Variants in CFDP1 observed in about 807,000 individuals in gnomAD.
CFDP1 encodes the protein chromatin remodeling protein CFDP1.
A neutral mutation model predicts 40.1 loss-of-function variants in CFDP1; 31 were observed. The observed-to-expected ratio is 0.77, with a 90% confidence interval of 0.58 to 1.04. The LOEUF (loss-of-function observed/expected upper bound fraction) is 1.04, where lower values mean the gene tolerates loss of function less well. CFDP1 is among the 50% of genes least tolerant of loss of function. CFDP1 has a pLI of 0.00. For missense variants in CFDP1, 423 were observed against 343.4 expected (o/e 1.23, Z -1.83); for synonymous variants, 167 against 120.0 (o/e 1.39, Z -2.56).
At chr16:75,323,985 A>G (rs1239499224) in intron 5 of CFDP1, among the ~76,000 whole-genome samples, 3 of 152,224 alleles carry the variant, frequency 2.0e-5, no homozygotes, top group Non-Finnish European at 4.4e-5. Flanking sequence ...AATGAAGATA[A>G]TAAGAACTAC....
intron 4 of CFDP1, among the ~76,000 whole-genome samples, chr16:75,410,811 A>C (rs1368174395): frequency 6.6e-6 from 1 of 150,852 alleles, no homozygotes; most frequent in Non-Finnish European, 1.5e-5. Flanking sequence ...CGGGAGGCTG[A>C]GACAGGAGAA....
At chr16:75,401,549 G>T (rs1226796384) in intron 4 of CFDP1, among the ~76,000 whole-genome samples, 1 of 151,890 alleles carries the variant, frequency 6.6e-6, no homozygotes, top group African/African-American at 2.4e-5. Flanking sequence ...TCAGTGAGCT[G>T]AGATAGCGCC....
intron 5 of CFDP1, among the ~76,000 whole-genome samples, chr16:75,364,749 T>C (rs1340068144): frequency 6.6e-6 from 1 of 152,246 alleles, no homozygotes. Flanking sequence ...ACCACTGTTA[T>C]TTGAAAATAA....
At chr16:75,423,946 A>C (rs2079307028) in intron 1 of CFDP1, among the ~76,000 whole-genome samples, 1 of 152,228 alleles carries the variant, frequency 6.6e-6, no homozygotes, top group African/African-American at 2.4e-5. Context: ...CTATATTAGC[A>C]AACCAAATTC....
chr16:75,386,890 A>G (rs1396407347), intron 5 of CFDP1, among the ~76,000 whole-genome samples: 1 of 152,250 alleles, frequency 6.6e-6, no homozygotes, highest in South Asian at 2.1e-4. Flanking sequence ...AGCCTGGAAT[A>G]ATAGCTTTGA....
At chr16:75,417,805 G>A (rs1338414183) in intron 1 of CFDP1, among the ~76,000 whole-genome samples, 9 of 151,488 alleles carry the variant, frequency 5.9e-5, no homozygotes, top group African/African-American at 2.2e-4. Flanking sequence ...TCATCAAGAT[G>A]CATTCCAAAG....
intron 5 of CFDP1, among the ~76,000 whole-genome samples, chr16:75,350,287 G>A (rs2078601704): frequency 6.6e-6 from 1 of 152,170 alleles, no homozygotes; most frequent in Admixed American, 6.5e-5. Context: ...ACAGCTCTAT[G>A]TTTAACTTTG....
intron 5 of CFDP1, among the ~76,000 whole-genome samples, chr16:75,350,749 G>A (rs2078605079): frequency 1.3e-5 from 2 of 151,910 alleles, no homozygotes; most frequent in Non-Finnish European, 2.9e-5. Flanking sequence ...CTTTGCATCC[G>A]AAAACAAAAT....
chr16:75,386,384 A>G (rs1344512848), intron 5 of CFDP1, among the ~76,000 whole-genome samples: 1 of 152,250 alleles, frequency 6.6e-6, no homozygotes, highest in Non-Finnish European at 1.5e-5. Flanking sequence ...CCGAACTGAC[A>G]GAGGTTACAT....
At position 75,311,770 on chromosome 16, in the gene CFDP1, A is replaced by ATTT. The variant is rs548463039; in HGVS notation, c.651-6591_651-6589dup. On this transcript the variant is annotated intron_variant, in intron 5 of 6. Coordinates refer to ENST00000283882, the MANE Select transcript of CFDP1 (RefSeq NM_006324.3). ...TACAATGTAGGAATGGACCTTTACA[A>ATTT]TTTTTTTTTTTTTTTTTCAAGAAAG... Among the ~76,000 whole-genome samples the ATTT allele has an allele frequency of 8.6e-3, 1,221 of 141,804 alleles. 23 individuals are homozygous for ATTT. The highest frequency in any genetic ancestry group is 0.031 in the African/African-American group (1,167 of 38,246). 93.0% of individuals were successfully genotyped at this position (141,804 alleles called of 152,430 possible).
chr16:75,428,065 T>C (rs575986180), intron 1 of CFDP1, among the ~76,000 whole-genome samples: 8 of 151,844 alleles, frequency 5.3e-5, no homozygotes, highest in Non-Finnish European at 1.2e-4. Flanking sequence ...AGACCAGAGG[T>C]TGCTAATGGC....
chr16:75,408,785 T>C (rs1482275830), intron 4 of CFDP1, among the ~76,000 whole-genome samples: 1 of 151,508 alleles, frequency 6.6e-6, no homozygotes, highest in Non-Finnish European at 1.5e-5. Context: ...AAAATAATAA[T>C]AATAAAAAAA....
In CFDP1 at chr16:75,293,989, A is replaced by G. The variant is rs555739594; in HGVS notation, c.863T>C (p.Ile288Thr). Reference sequence around the variant, plus strand: ...TTTGCTCAGCCTGAGATCTCGCTCAATTTCAAACTGCCTGTGATCCACTCG... The same window carrying G: ...TTTGCTCAGCCTGAGATCTCGCTCAGTTTCAAACTGCCTGTGATCCACTCG... Reference protein sequence around the residue: ...LDRVDHRQFEIERDLRLSKMK... With the variant: ...LDRVDHRQFETERDLRLSKMK... The change falls in exon 7 of 7, where the codon ATT (isoleucine) becomes ACT (threonine). Residue 288 changes from isoleucine to threonine, a missense_variant. By Grantham distance (89) the Ile-to-Thr change is moderately conservative (BLOSUM62 -1). Coordinates refer to ENST00000283882, the MANE Select transcript of CFDP1 (RefSeq NM_006324.3). The G allele has an allele frequency of 4.3e-6, 7 of 1,614,052 alleles. No individual in the cohort carries two copies. Among genetic ancestry groups the G allele is most frequent in the Admixed American group, 1.7e-5 (1 of 60,006 alleles).
Position 75,297,146 on chromosome 16 carries a change from T to TGTGTGTGTGGGTG in CFDP1, c.810-3105_810-3104insCACCCACACACAC, listed in dbSNP as rs1491503380. Among the ~76,000 whole-genome samples, 2 of 132,988 alleles carry TGTGTGTGTGGGTG rather than the reference T, an allele frequency of 1.5e-5. 1 individual carries two copies. The allele number at this position is 132,988 out of a possible 152,430, so 87.2% of individuals were successfully genotyped here. A position where few individuals can be genotyped will look rare whatever the true frequency, so the allele number is the denominator to read the frequency against. ...GCTTGGGGTTCTTGCTTCCCATTTCTTGTGTGTGTGTGTGTGTGTCTGTGT... is the reference window on the plus strand; with the variant it reads ...GCTTGGGGTTCTTGCTTCCCATTTCTGTGTGTGTGGGTGTGTGTGTGTGTGTGTGTGTCTGTGT... On this transcript the variant is annotated intron_variant, in intron 6 of 6. Transcript: ENST00000283882.
In CFDP1 at chr16:75,433,405, A is replaced by T. The variant is rs2079451276; in HGVS notation, c.-53T>A. ...TCACAAGACCGCAGCAGCCGCCTCC[A>T]ACGGCAAAGCTCTAGGGAGAGACCA... On this transcript the variant is annotated 5_prime_UTR_variant, in exon 1 of 7. It introduces an in-frame stop codon into an upstream open reading frame of the 5' UTR. Coordinates refer to ENST00000283882, the MANE Select transcript of CFDP1 (RefSeq NM_006324.3). The T allele has an allele frequency of 6.5e-7, 1 of 1,532,664 alleles. No homozygotes were observed. Among genetic ancestry groups the T allele is most frequent in the South Asian group, 1.2e-5 (1 of 84,984 alleles). The allele number at this position is 1,532,664 out of a possible 1,614,324, so 94.9% of individuals were successfully genotyped here. A position where few individuals can be genotyped will look rare whatever the true frequency, so the allele number is the denominator to read the frequency against.
At chr16:75,298,561 T>C (rs1407697916) in intron 6 of CFDP1, among the ~76,000 whole-genome samples, 1 of 152,190 alleles carries the variant, frequency 6.6e-6, no homozygotes, top group Non-Finnish European at 1.5e-5. Context: ...AGTGGGTAAA[T>C]GCATTTTCCA....
chr16:75,305,397 C>T (rs11641943), intron 5 of CFDP1: 91,554 of 528,650 alleles, frequency 0.17, 9,768 homozygotes, highest in Non-Finnish European at 0.23. Context: ...TGTCTGCTCT[C>T]CTGAGCTACG....
chr16:75,395,286 A>C, intron 4 of CFDP1, 77 bp from the exon 5 acceptor site: 1 of 1,471,224 alleles, frequency 6.8e-7, no homozygotes, highest in Non-Finnish European at 9.3e-7. Context: ...GAATAAAGAC[A>C]ACTAGAAAAA....
At chr16:75,376,587 G>A (rs1284611256) in intron 5 of CFDP1, among the ~76,000 whole-genome samples, 1 of 152,296 alleles carries the variant, frequency 6.6e-6, no homozygotes, top group African/African-American at 2.4e-5. Flanking sequence ...AAAGAGCATA[G>A]GGCAAAAGCA....
Sources: allele counts gnomAD v4.1 joint callset (sites outside exome capture counted in the v4.1 genomes callset), GRCh38; gene constraint gnomAD v4.1.1; transcripts MANE v1.5; gene names NCBI Gene and HGNC (gene_info 2026-07-23, HGNC 2026-07-21).